The following VCAN variants were observed in gnomAD, a reference collection of about 807,000 sequenced individuals.
VCAN encodes versican, also known as versican core protein.
VCAN carries 44 observed loss-of-function variants against 245.5 expected under a neutral mutation model. The observed-to-expected ratio is 0.18, with a 90% CI of 0.14 to 0.23. The LOEUF is 0.23. VCAN is among the 10% of genes least tolerant of loss of function. VCAN has a pLI of 1.00. For synonymous variants in VCAN, 1,413 were observed against 1,437.0 expected, an observed-to-expected ratio of 0.98 and a Z score of 0.38; for missense variants, 3,793 against 4,057.9, an observed-to-expected ratio of 0.93 and a Z score of 1.77.
chr5:83,574,737 T>C (rs1421883691), intron 13 of VCAN, among the ~76,000 whole-genome samples: 2 of 152,220 alleles, frequency 1.3e-5, no homozygotes, highest in Non-Finnish European at 2.9e-5. Context: ...AAGTTTATTT[T>C]ATGCTTATAA....
At position 83,535,668 on chromosome 5, in the gene VCAN, C is replaced by A. The variant is rs937288803; in HGVS notation, c.4004-1339C>A. ...TTCTTCTATACATAGAAGGAAATAG[C>A]TTCTTGCAACAGGAACAATTCAGGA... On this transcript the variant is annotated intron_variant, in intron 7 of 14. Transcript: ENST00000265077. 2.6e-5 allele frequency: 4 copies of A among 152,040 alleles called. No individual in the cohort carries two copies. The East Asian group carries it at 7.7e-4, about 29-fold the overall frequency. The allele number at this position is 152,040 out of a possible 1,614,324, so 9.4% of individuals were successfully genotyped here. A position where few individuals can be genotyped will look rare whatever the true frequency, so the allele number is the denominator to read the frequency against.
chr5:83,528,192 T>C (rs1219700468), intron 7 of VCAN, among the ~76,000 whole-genome samples: 1 of 152,106 alleles, frequency 6.6e-6, no homozygotes, highest in Non-Finnish European at 1.5e-5. Flanking sequence ...GTGTGACAGA[T>C]TGTGAATGGT....
chr5:83,521,103 C>T lies in VCAN; in HGVS notation c.2797C>T (p.Leu933Phe), dbSNP rs2112410850. 8 of 1,614,136 alleles carry T rather than the reference C, an allele frequency of 5.0e-6. No homozygotes were observed. Among genetic ancestry groups the T allele is most frequent in the Non-Finnish European group, 5.1e-6 (6 of 1,179,986 alleles). Reference sequence around the variant, plus strand: ...TTTGGGTGAAGTAGAAGATGTGGACCTCTCTAAGCCAGTATCTACTGTTCC... The same window carrying T: ...TTTGGGTGAAGTAGAAGATGTGGACTTCTCTAAGCCAGTATCTACTGTTCC... ...SALGEVEDVD[L>F]SKPVSTVPQF... The change falls in exon 7 of 15, where the codon CTC becomes TTC. Residue 933 changes from leucine (L) to phenylalanine (F), a missense_variant. Physicochemically the swap from Leu to Phe is conservative, Grantham distance 22. This residue lies in a region of VCAN where 3,182 missense variants were observed against 3,250.3 expected (regional missense o/e 0.98). Transcript: ENST00000265077.
intron 7 of VCAN, among the ~76,000 whole-genome samples, chr5:83,524,839 G>A (rs1416024185): frequency 2.0e-5 from 3 of 152,086 alleles, no homozygotes; most frequent in African/African-American, 7.2e-5. Context: ...TATGTGCCTG[G>A]AGAACCAACC....
chr5:83,565,419 G>GTA (rs1554043053), intron 12 of VCAN, among the ~76,000 whole-genome samples: 6 of 134,654 alleles, frequency 4.5e-5, no homozygotes, highest in Non-Finnish European at 9.3e-5. Flanking sequence ...GTGTGTGTGT[G>GTA]TGTGTGTATG....
Position 83,538,589 on chromosome 5 carries a change from C to A in VCAN, c.5586C>A (p.Ala1862=). 1.2e-6 allele frequency: 2 copies of A among 1,613,900 alleles called. No individual in the cohort carries two copies. The highest frequency in any genetic ancestry group is 1.7e-6 in the Non-Finnish European group (2 of 1,179,942). The change falls in exon 8 of 15, where the codon GCC becomes GCA. Residue 1862 remains alanine, a synonymous_variant. Transcript: ENST00000265077. ...FSLNVEYAIQ[A]EKEVAGTLSP... is the part of the protein sequence containing the mutation. ...TAAACGTAGAGTATGCAATTCAAGC[C>A]GAAAAGGAAGTAGCTGGCACTTTGT...
Position 83,519,930 on chromosome 5 carries a change from T to A in VCAN, c.1624T>A (p.Leu542Met). 2 of 1,614,090 alleles carry A rather than the reference T, an allele frequency of 1.2e-6. No individual in the cohort carries two copies. Among genetic ancestry groups the A allele is most frequent in the South Asian group, 2.2e-5 (2 of 91,076 alleles). Residue 542 changes from leucine (L) to methionine (M), a missense_variant, in exon 7 of 15, where the codon TTG becomes ATG. Leu to Met is a conservative substitution (Grantham distance 15). Transcript: ENST00000265077. The stretch of plus-strand genomic sequence containing the variant: ...GAAAATGGTAAGCACTGTTTCTGAA[T>A]TGGTAACCACAGGTCACTATGGATT... The part of the protein sequence containing the change: ...EKKMVSTVSE[L>M]VTTGHYGFTL...
rs201077399 is a variant in VCAN at position 83,521,737 on chromosome 5, G to A, written c.3431G>A (p.Gly1144Asp). Residue 1144 changes from glycine (G) to aspartate (D), a missense_variant, in exon 7 of 15, where the codon GGT becomes GAT. Physicochemically the swap from Gly to Asp is moderately conservative, Grantham distance 94. This residue lies in a region of VCAN where 3,182 missense variants were observed against 3,250.3 expected (regional missense o/e 0.98). Transcript: ENST00000265077. ...CCTGAACAAAAATATGAAACAGAAG[G>A]TAGTAGTACAACAGGATTTACATCA... is the stretch of plus-strand genomic sequence containing the variant. ...PGPEQKYETEGSSTTGFTSSL... is the reference protein window; with the variant it reads ...PGPEQKYETEDSSTTGFTSSL... 9.9e-5 allele frequency: 159 copies of A among 1,613,898 alleles called. No homozygotes were observed. The highest frequency in any genetic ancestry group is 2.3e-5 in the Non-Finnish European group (27 of 1,179,974).
intron 5 of VCAN, among the ~76,000 whole-genome samples, chr5:83,502,263 A>G (rs1240683307): frequency 1.3e-5 from 2 of 152,120 alleles, no homozygotes; most frequent in Non-Finnish European, 1.5e-5. Flanking sequence ...TCTTGACATA[A>G]ACTCCTTGAA....
At chr5:83,565,907 A>C (rs917601071) in intron 12 of VCAN, among the ~76,000 whole-genome samples, 1 of 91,180 alleles carries the variant, frequency 1.1e-5, no homozygotes, top group South Asian at 6.3e-4. Flanking sequence ...TAACACAAGG[A>C]AAAAAAAACC....
At chr5:83,502,213 C>T (rs1331582767) in intron 5 of VCAN, among the ~76,000 whole-genome samples, 1 of 152,078 alleles carries the variant, frequency 6.6e-6, no homozygotes, top group Non-Finnish European at 1.5e-5. Flanking sequence ...TTTATACACT[C>T]TCTTTCATTT....
rs1746009710 is a variant in VCAN at position 83,519,820 on chromosome 5, T to G, written c.1514T>G (p.Leu505Ter). 6.2e-7 allele frequency: 1 copy of G among 1,614,044 alleles called. No individual in the cohort carries two copies. Among genetic ancestry groups the G allele is most frequent in the Admixed American group, 1.7e-5 (1 of 60,006 alleles). Residue 505 changes from leucine (L) to a stop codon, truncating the protein, a stop_gained, in exon 7 of 15, where the codon TTA (leucine) becomes TGA (stop). Transcript: ENST00000265077. LOFTEE classifies it high-confidence loss of function. ...CCTTTGGTAACATCTATGGAAATCT[T>G]AAAGCACATTCCTTCCAAGGAATTC... is the stretch of plus-strand genomic sequence containing the variant. ...VGPLVTSMEI[L>*]KHIPSKEFPV...
In VCAN at chr5:83,554,967, G is replaced by T; in HGVS notation, c.9664G>T (p.Asp3222Tyr). ...TTCCTATCCCTTAGGTGTGGGCCAT[G>T]ATTATCAGTGGATAGGCCTCAATGA... ...EQMFVNRVGH[D>Y]YQWIGLNDKM... Residue 3222 changes from aspartate to tyrosine, a missense_variant, in exon 12 of 15, where the codon GAT (aspartate) becomes TAT (tyrosine). Physicochemically the swap from Asp to Tyr is radical, Grantham distance 160. Transcript: ENST00000265077. The T allele has an allele frequency of 1.2e-6, 2 of 1,613,642 alleles. No homozygotes were observed. Among genetic ancestry groups the T allele is most frequent in the Non-Finnish European group, 1.7e-6 (2 of 1,179,644 alleles).
chr5:83,537,652 A>C lies in VCAN; in HGVS notation c.4649A>C (p.Glu1550Ala). Residue 1550 changes from glutamate to alanine, a missense_variant, in exon 8 of 15, where the codon GAG becomes GCG. Transcript: ENST00000265077. ...CTGTTTCCTGAAGAGTCTTCAGGAG[A>C]GATTGCCATTGACCAAGAATCTCAG... ...VSLFPEESSGEIAIDQESQKI... is the reference protein window; with the variant it reads ...VSLFPEESSGAIAIDQESQKI... 1 of 1,613,850 alleles carries C rather than the reference A, an allele frequency of 6.2e-7. No homozygotes were observed. The highest frequency in any genetic ancestry group is 2.2e-5 in the East Asian group (1 of 44,840).
Position 83,572,477 on chromosome 5 carries a change from T to C in VCAN, c.9797T>C (p.Val3266Ala). The change falls in exon 13 of 15, where the codon GTT (valine) becomes GCT (alanine). Residue 3266 changes from valine to alanine, a missense_variant. Physicochemically the swap from Val to Ala is moderately conservative, Grantham distance 64. Coordinates refer to ENST00000265077, the MANE Select transcript of VCAN (RefSeq NM_004385.5). ...TTCTTTTCTGCTGGAGAAGACTGTG[T>C]TGTAATCATTTGGCATGAGAATGGC... Reference protein sequence around the residue: ...DSFFSAGEDCVVIIWHENGQW... With the variant: ...DSFFSAGEDCAVIIWHENGQW... 1 of 1,613,972 alleles carries C rather than the reference T, an allele frequency of 6.2e-7. No homozygotes were observed. Among genetic ancestry groups the C allele is most frequent in the Non-Finnish European group, 8.5e-7 (1 of 1,179,882 alleles).
intron 10 of VCAN, among the ~76,000 whole-genome samples, chr5:83,551,604 T>G (rs1747474403): frequency 6.6e-6 from 1 of 152,094 alleles, no homozygotes; most frequent in Non-Finnish European, 1.5e-5. Flanking sequence ...GTAGAAAAGT[T>G]TTTTCTGATG....
At position 83,557,347 on chromosome 5, in the gene VCAN, G is replaced by T. The variant is rs535335372; in HGVS notation, c.9735+2309G>T. On this transcript the variant is annotated intron_variant, in intron 12 of 14. Coordinates refer to ENST00000265077, the MANE Select transcript of VCAN (RefSeq NM_004385.5). ...TCCCTTAGCAGTTCACCTCTTCAAA[G>T]AAGTAATTCTTTCCCCTGCTTTTTA... Among the ~76,000 whole-genome samples, 16 of 152,204 alleles carry T rather than the reference G, an allele frequency of 1.1e-4. No homozygotes were observed. In the South Asian group the frequency reaches 1.9e-3, roughly 18 times the overall value.
At chr5:83,514,895 A>G (rs160380) in intron 6 of VCAN, among the ~76,000 whole-genome samples, 55,742 of 152,146 alleles carry the variant, frequency 0.37, 10,589 homozygotes, top group East Asian at 0.57. Flanking sequence ...TACAGTTCCA[A>G]AGTGATTTCA....
intron 9 of VCAN, among the ~76,000 whole-genome samples, chr5:83,546,554 G>A (rs1321413629): frequency 2.0e-5 from 3 of 149,500 alleles, no homozygotes; most frequent in African/African-American, 4.9e-5. Context: ...CCAGAAGTTC[G>A]AGACCAGCCT....
Sources: allele counts gnomAD v4.1 joint callset (sites outside exome capture counted in the v4.1 genomes callset), GRCh38; gene constraint gnomAD v4.1.1; regional missense constraint gnomAD v4.1.1; transcripts MANE v1.5; gene names NCBI Gene and HGNC (gene_info 2026-07-23, HGNC 2026-07-21).